NLN: variants seen among roughly 807,000 people sequenced by gnomAD.
The protein encoded by NLN is neurolysin, also known as neurolysin, mitochondrial.
Under a neutral mutation model 79.9 loss-of-function variants are expected in NLN, and 64 were observed. That is an observed-to-expected ratio of 0.80 (90% CI 0.65 to 0.99). The LOEUF is 0.99. Ranked by LOEUF, NLN falls within the 50% of genes least tolerant of loss-of-function variation. The pLI is 0.00. For synonymous variants in NLN, 267 were observed against 296.6 expected (o/e 0.90, Z 1.02); for missense variants, 835 against 858.7 (o/e 0.97, Z 0.34).
chr5:65,764,128 T>C (rs879410423), intron 3 of NLN, among the ~76,000 whole-genome samples: 2 of 152,212 alleles, frequency 1.3e-5, no homozygotes, highest in African/African-American at 4.8e-5. Context: ...ATTTTTTTTA[T>C]GTAATTTGGA....
intron 3 of NLN, among the ~76,000 whole-genome samples, chr5:65,769,118 T>C (rs571587386): frequency 6.6e-6 from 1 of 152,250 alleles, no homozygotes; most frequent in Non-Finnish European, 1.5e-5. Flanking sequence ...TTTGCACTTA[T>C]GTGCTGTCAC....
rs140069354 is a variant in NLN, at chr5:65,757,182, T to C, written c.42-1385T>C. On this transcript the variant is annotated intron_variant, in intron 1 of 12. Transcript: ENST00000380985. ...TACATGCTCATAAATATTAGCTGGG[T>C]GAATGACTTTAAACAAGTCACTTAG... Among the ~76,000 whole-genome samples the C allele has an allele frequency of 9.8e-5, 15 of 152,314 alleles. No homozygotes were observed. In the East Asian group the frequency reaches 2.5e-3, roughly 25 times the overall value.
chr5:65,795,554 G>C (rs1199689019), intron 9 of NLN, among the ~76,000 whole-genome samples: 1 of 152,146 alleles, frequency 6.6e-6, no homozygotes, highest in Non-Finnish European at 1.5e-5. Context: ...GGGCATAGTG[G>C]CACATGCCTG....
At chr5:65,769,549 T>C (rs973700206) in intron 3 of NLN, among the ~76,000 whole-genome samples, 1 of 152,170 alleles carries the variant, frequency 6.6e-6, no homozygotes, top group African/African-American at 2.4e-5. Context: ...ACAAAAAATT[T>C]TTTTAAAACC....
At chr5:65,767,902 C>G (rs1258038431) in intron 3 of NLN, among the ~76,000 whole-genome samples, 1 of 152,212 alleles carries the variant, frequency 6.6e-6, no homozygotes, top group Non-Finnish European at 1.5e-5. Context: ...TGCCCAGTAT[C>G]TTTGGTAAAG....
chr5:65,732,950 C>T (rs1758642712), intron 1 of NLN: 4 of 553,526 alleles, frequency 7.2e-6, no homozygotes, highest in East Asian at 2.9e-5. Flanking sequence ...GTGAAACAGG[C>T]TTCCCCATTG....
At position 65,725,968 on chromosome 5, in the gene NLN, C is replaced by T. The variant is rs894622997; in HGVS notation, c.41+3554C>T. On this transcript the variant is annotated intron_variant, in intron 1 of 12. Transcript: ENST00000380985. ...TCTACTGAAAATACAAAAAATTAGCCGGGCGTGGTGGCGGGCGCCTGTAGT... is the reference window on the plus strand; with the variant it reads ...TCTACTGAAAATACAAAAAATTAGCTGGGCGTGGTGGCGGGCGCCTGTAGT... Among the ~76,000 whole-genome samples, 12 of 152,182 alleles carry T rather than the reference C, an allele frequency of 7.9e-5. No homozygotes were observed. The South Asian group carries it at 1.7e-3, about 21-fold the overall frequency.
At chr5:65,804,261 T>C (rs915809725) in intron 9 of NLN, among the ~76,000 whole-genome samples, 2 of 152,246 alleles carry the variant, frequency 1.3e-5, no homozygotes, top group Non-Finnish European at 2.9e-5. Flanking sequence ...AATCTCTGTA[T>C]GCTTTAGTTT....
rs6449790 is a variant in NLN at position 65,780,115 on chromosome 5, C to A, written c.559-64C>A. The A allele has an allele frequency of 8.9e-3, 6,475 of 726,342 alleles. 330 individuals carry two copies. In the African/African-American group the frequency reaches 0.1, roughly 12 times the overall value. The allele number at this position is 726,342 out of a possible 1,614,324, so 45.0% of individuals were successfully genotyped here. A position where few individuals can be genotyped will look rare whatever the true frequency, so the allele number is the denominator to read the frequency against. On this transcript the variant is annotated intron_variant, in intron 4 of 12. Coordinates refer to ENST00000380985, the MANE Select transcript of NLN (RefSeq NM_020726.5). Reference sequence around the variant, plus strand: ...TGCTGGGATTACAGGTGTGGGCCACCGTGCCTGGCAAAAAATGAGTTTCTT... The same window carrying A: ...TGCTGGGATTACAGGTGTGGGCCACAGTGCCTGGCAAAAAATGAGTTTCTT...
chr5:65,812,111 C>T (rs888371961), intron 11 of NLN, 144 bp from the exon 12 acceptor site: 6 of 682,020 alleles, frequency 8.8e-6, no homozygotes, highest in Non-Finnish European at 1.0e-5. Context: ...GAGGACACAT[C>T]AGCCCAAGGA....
chr5:65,818,499 C>A (rs530583075), intron 12 of NLN, among the ~76,000 whole-genome samples: 1 of 152,056 alleles, frequency 6.6e-6, no homozygotes, highest in African/African-American at 2.4e-5. Flanking sequence ...TCCAGAAGAC[C>A]TCTTCTAATC....
In NLN at chr5:65,823,745, A is replaced by G. The variant is rs1760854274; in HGVS notation, c.*830A>G. ...ACATTTTTCTCTTCTCACGTTTCTA[A>G]TAAGTGTTAGGGACTTTGCCTCTTT... On this transcript the variant is annotated 3_prime_UTR_variant, in exon 13 of 13. Transcript: ENST00000380985. 1.3e-5 allele frequency: 2 copies of G among 152,114 alleles called. No homozygotes were observed. The highest frequency in any genetic ancestry group is 1.3e-4 in the Admixed American group (2 of 15,256). The allele number at this position is 152,114 out of a possible 1,614,324, so 9.4% of individuals were successfully genotyped here.
intron 3 of NLN, among the ~76,000 whole-genome samples, chr5:65,767,769 G>A (rs1376485426): frequency 6.6e-6 from 1 of 152,180 alleles, no homozygotes; most frequent in Admixed American, 6.5e-5. Context: ...ACACATGGCT[G>A]TATGCTGTTA....
chr5:65,738,541 C>G (rs1376613255), intron 1 of NLN, among the ~76,000 whole-genome samples: 1 of 151,956 alleles, frequency 6.6e-6, no homozygotes, highest in Non-Finnish European at 1.5e-5. Flanking sequence ...CCACTGCACT[C>G]TAGCCTGGGC....
chr5:65,823,277 G>A lies in NLN; in HGVS notation c.*362G>A, dbSNP rs1194659058. The A allele has an allele frequency of 1.2e-5, 2 of 163,138 alleles. No individual in the cohort carries two copies. Among genetic ancestry groups the A allele is most frequent in the African/African-American group, 4.8e-5 (2 of 41,532 alleles). The allele number at this position is 163,138 out of a possible 1,614,324, so 10.1% of individuals were successfully genotyped here. The stretch of plus-strand genomic sequence containing the variant: ...TATATGATATAATTTGATCCTTCTT[G>A]TATCTTGAAGTTTTGTACTTGGGAT... On this transcript the variant is annotated 3_prime_UTR_variant, in exon 13 of 13. Transcript: ENST00000380985.
Position 65,763,732 on chromosome 5 carries a change from C to T in NLN, c.450+624C>T, listed in dbSNP as rs565356989. On this transcript the variant is annotated intron_variant, in intron 3 of 12. Coordinates refer to ENST00000380985, the MANE Select transcript of NLN (RefSeq NM_020726.5). ...GTTTAATTTTGCATGTTTCTTTCTG[C>T]AGAATCCTAATTACTTTTTCCTTTT... 1.4e-4 allele frequency among the ~76,000 whole-genome samples: 17 copies of T among 119,504 alleles called. No individual in the cohort carries two copies. The South Asian group carries it at 5.0e-3, about 35-fold the overall frequency. The allele number at this position is 119,504 out of a possible 152,430, so 78.4% of individuals were successfully genotyped here. A position where few individuals can be genotyped will look rare whatever the true frequency, so the allele number is the denominator to read the frequency against.
chr5:65,792,591 G>A lies in NLN; in HGVS notation c.1463G>A (p.Arg488Lys), dbSNP rs369196444. 2 of 1,613,944 alleles carry A rather than the reference G, an allele frequency of 1.2e-6. No homozygotes were observed. Among genetic ancestry groups the A allele is most frequent in the African/African-American group, 2.7e-5 (2 of 74,912 alleles). ...QPVAGRPSLL[R>K]HDEVRTYFHE... Reference sequence around the variant, plus strand: ...GTGGCAGGTCGTCCCTCTCTCCTGAGACACGACGAGGTGAGGACTTACTTT... The same window carrying A: ...GTGGCAGGTCGTCCCTCTCTCCTGAAACACGACGAGGTGAGGACTTACTTT... The change falls in exon 9 of 13, where the codon AGA becomes AAA. Residue 488 changes from arginine (R) to lysine (K), a missense_variant. By Grantham distance (26) the Arg-to-Lys change is conservative (BLOSUM62 2). Transcript: ENST00000380985.
intron 9 of NLN, chr5:65,809,282 A>G (rs1370975811): frequency 1.1e-5 from 4 of 372,846 alleles, no homozygotes; most frequent in Non-Finnish European, 1.9e-5. Context: ...AACTTTGTCT[A>G]CAATTCAAAG....
At chr5:65,777,268 G>A (rs950699472) in intron 3 of NLN, 159 bp from the exon 4 acceptor site, 10 of 595,654 alleles carry the variant, frequency 1.7e-5, no homozygotes, top group African/African-American at 3.8e-5. Context: ...GCTCACTAAA[G>A]TATAAAAGAA....
Sources: allele counts gnomAD v4.1 joint callset (sites outside exome capture counted in the v4.1 genomes callset), GRCh38; gene constraint gnomAD v4.1.1; transcripts MANE v1.5; gene names NCBI Gene and HGNC (gene_info 2026-07-23, HGNC 2026-07-21).